Variants in SH2B1 observed in about 807,000 individuals in gnomAD.
The protein encoded by SH2B1 is SH2B adaptor protein 1, also known as SH2B adapter protein 1.
SH2B1 carries 15 observed loss-of-function variants against 62.6 expected under a neutral mutation model. The observed-to-expected ratio is 0.24, with a 90% CI of 0.16 to 0.37. The LOEUF (loss-of-function observed/expected upper bound fraction) is 0.37, where lower values mean the gene tolerates loss of function less well. Ranked by LOEUF, SH2B1 falls within the 10% of genes least tolerant of loss-of-function variation. The pLI is 1.00. For missense variants in SH2B1, 925 were observed against 1,015.6 expected (o/e 0.91, Z 1.21); for synonymous variants, 443 against 438.0 (o/e 1.01, Z -0.14).
intron 1 of SH2B1, 146 bp from the exon 2 acceptor site, chr16:28,867,185 C>A: frequency 8.0e-7 from 1 of 1,247,396 alleles, no homozygotes; most frequent in Non-Finnish European, 1.1e-6. Flanking sequence ...TCTGTGTTAG[C>A]AGCTGCGGGC....
upstream of SH2B1, chr16:28,861,894 C>G (rs557510924): frequency 6.6e-6 from 1 of 152,254 alleles, no homozygotes; most frequent in Admixed American, 6.5e-5. Flanking sequence ...AGGAGAGTTG[C>G]TAAGCTATTA....
chr16:28,867,870 A>C (rs1247492619), intron 2 of SH2B1, among the ~76,000 whole-genome samples: 2 of 152,222 alleles, frequency 1.3e-5, no homozygotes, highest in Non-Finnish European at 2.9e-5. Context: ...GCTCTGCCGC[A>C]CAGGCTGGAG....
At chr16:28,848,839 T>C (rs1455376044) in intron 1 of SH2B1, among the ~76,000 whole-genome samples, 1 of 151,752 alleles carries the variant, frequency 6.6e-6, no homozygotes, top group Non-Finnish European at 1.5e-5. Flanking sequence ...GCCCAGCTAA[T>C]TTTTGTATTT....
In SH2B1 at chr16:28,873,321, G is replaced by T; in HGVS notation, c.1898-126G>T. 6.3e-7 allele frequency: 1 copy of T among 1,588,092 alleles called. No homozygotes were observed. On this transcript the variant is annotated intron_variant, in intron 7 of 7. Transcript: ENST00000684370. This position sits in a 1 kb window ranked among gnomAD's most constrained non-coding sequence, Gnocchi z 4.2. The stretch of plus-strand genomic sequence containing the variant: ...GCCCATGATCCATCTTCCATGGATG[G>T]GGGGTTGCTCAGGAGATGGGATGTG...
In SH2B1 at chr16:28,872,684, C is replaced by T. The variant is rs1963109967; in HGVS notation, c.1876C>T (p.Pro626Ser). The part of the protein sequence containing the change: ...SSDVVLVSYV[P>S]SSQRQQEPTT... Reference sequence around the variant, plus strand: ...TGATGTTGTCCTTGTCAGCTATGTCCCATCCTCCCAGCGACAGCAGGGTGA... The same window carrying T: ...TGATGTTGTCCTTGTCAGCTATGTCTCATCCTCCCAGCGACAGCAGGGTGA... Residue 626 changes from proline (P) to serine (S), a missense_variant, in exon 7 of 8, where the codon CCA (proline) becomes TCA (serine). Pro to Ser is a moderately conservative substitution (Grantham distance 74). Transcript: ENST00000684370. The surrounding 1 kb of genome is among the most constrained non-coding windows in gnomAD (Gnocchi z 5.3). 6.2e-6 allele frequency: 10 copies of T among 1,614,160 alleles called. No homozygotes were observed. Among genetic ancestry groups the T allele is most frequent in the Non-Finnish European group, 8.5e-6 (10 of 1,180,026 alleles).
chr16:28,859,194 T>C (rs1297679474), upstream of SH2B1, among the ~76,000 whole-genome samples: 1 of 152,112 alleles, frequency 6.6e-6, no homozygotes, highest in African/African-American at 2.4e-5. Context: ...TTCGCCTGCC[T>C]CAGCCTCCTA....
chr16:28,870,167 G>A (rs577688074), intron 4 of SH2B1, among the ~76,000 whole-genome samples: 7 of 152,258 alleles, frequency 4.6e-5, no homozygotes, highest in Middle Eastern at 3.2e-3. Flanking sequence ...GTGGCCTGCT[G>A]TTGGACAGAC....
At chr16:28,860,944 G>A (rs1429474739), upstream of SH2B1, among the ~76,000 whole-genome samples, 1 of 151,482 alleles carries the variant, frequency 6.6e-6, no homozygotes, top group African/African-American at 2.4e-5. Flanking sequence ...AGCCTCCCAA[G>A]CAGCTGGGAT....
At chr16:28,857,607 C>G (rs889526299) in intron 1 of SH2B1, among the ~76,000 whole-genome samples, 4 of 152,160 alleles carry the variant, frequency 2.6e-5, no homozygotes, top group African/African-American at 4.8e-5. Flanking sequence ...AATGAAGAGA[C>G]ACACAGGGAG....
upstream of SH2B1, chr16:28,861,860 T>G (rs1962453705): frequency 6.6e-6 from 1 of 152,240 alleles, no homozygotes; most frequent in Non-Finnish European, 1.5e-5. Flanking sequence ...ATTGGGAATC[T>G]CAGAAAAGAG....
Position 28,864,326 on chromosome 16 carries a change from TAGG to T in SH2B1, c.-1766_-1764del. 2 of 993,504 alleles carry T rather than the reference TAGG, an allele frequency of 2.0e-6. No individual in the cohort carries two copies. Among genetic ancestry groups the T allele is most frequent in the Non-Finnish European group, 2.4e-6 (2 of 834,796 alleles). 61.5% of individuals were successfully genotyped at this position (993,504 alleles called of 1,614,324 possible). On this transcript the variant is annotated 5_prime_UTR_variant, in exon 1 of 8. Transcript: ENST00000684370. ...CAGAAGAGAAACTGAGTCACCAGCTTAGGAGTCGCAGGGTCAGCGGGCCTGAAG... is the reference window on the plus strand; with the variant it reads ...CAGAAGAGAAACTGAGTCACCAGCTTAGTCGCAGGGTCAGCGGGCCTGAAG...
chr16:28,868,216 T>G (rs1266211322), intron 2 of SH2B1, among the ~76,000 whole-genome samples: 1 of 152,100 alleles, frequency 6.6e-6, no homozygotes, highest in Non-Finnish European at 1.5e-5. Flanking sequence ...CTCGACTCAC[T>G]GCAAGCTCCA....
chr16:28,860,082 A>T (rs1225639412), upstream of SH2B1, among the ~76,000 whole-genome samples: 1 of 151,762 alleles, frequency 6.6e-6, no homozygotes, highest in Non-Finnish European at 1.5e-5. Context: ...CTCTCTACTG[A>T]TTCCTTTCCC....
rs1272297980 is a variant in SH2B1 at position 28,873,346 on chromosome 16, G to A, written c.1898-101G>A. 1.3e-6 allele frequency: 2 copies of A among 1,587,548 alleles called. No individual in the cohort carries two copies. The highest frequency in any genetic ancestry group is 2.2e-5 in the South Asian group (2 of 89,626). ...GGGGGTTGCTCAGGAGATGGGATGT[G>A]GGGAGACAGCCACGCTCCTGGGGGG... On this transcript the variant is annotated intron_variant, in intron 7 of 7. Coordinates refer to ENST00000684370, the MANE Select transcript of SH2B1 (RefSeq NM_001387430.1). This position sits in a 1 kb window ranked among gnomAD's most constrained non-coding sequence, Gnocchi z 4.2.
intron 1 of SH2B1, among the ~76,000 whole-genome samples, chr16:28,856,582 T>C (rs990378388): frequency 6.6e-6 from 1 of 152,002 alleles, no homozygotes; most frequent in African/African-American, 2.4e-5. Flanking sequence ...TCTGGTGCAA[T>C]GGAAATGAGT....
Position 28,873,367 on chromosome 16 carries a change from G to T in SH2B1, c.1898-80G>T. On this transcript the variant is annotated intron_variant, in intron 7 of 7. Coordinates refer to ENST00000684370, the MANE Select transcript of SH2B1 (RefSeq NM_001387430.1). The surrounding 1 kb of genome is among the most constrained non-coding windows in gnomAD (Gnocchi z 4.2). ...ATGTGGGGAGACAGCCACGCTCCTG[G>T]GGGGCTGAGTGAAGGGGAGGCCACG... 3 of 1,581,964 alleles carry T rather than the reference G, an allele frequency of 1.9e-6. No individual in the cohort carries two copies. The highest frequency in any genetic ancestry group is 2.6e-6 in the Non-Finnish European group (3 of 1,169,836).
At chr16:28,856,738 TC>T (rs1962330589) in intron 1 of SH2B1, among the ~76,000 whole-genome samples, 1 of 152,138 alleles carries the variant, frequency 6.6e-6, no homozygotes, top group African/African-American at 2.4e-5. Context: ...TGGCAGGACC[TC>T]CTGGGAAGTC....
In SH2B1 at chr16:28,873,592, GAA is replaced by G. The variant is rs1412591230; in HGVS notation, c.2045_2046del (p.Lys682SerfsTer15). The G allele has an allele frequency of 6.4e-7, 1 of 1,563,912 alleles. No homozygotes were observed. Among genetic ancestry groups the G allele is most frequent in the East Asian group, 2.4e-5 (1 of 41,652 alleles). On this transcript the variant is annotated frameshift_variant, in exon 8 of 8. Transcript: ENST00000684370. LOFTEE classifies it high-confidence loss of function. The surrounding 1 kb of genome is among the most constrained non-coding windows in gnomAD (Gnocchi z 4.2). ...CAGCCAAAGAGAGGCAAGAGAAAGA[GAA>G]AGCGGGCGGTGGAGGGGTCCCGGAA... ...AAAKERQEKE[K>X]AGGGGVPEEL...
Position 28,873,762 on chromosome 16 carries a change from G to T in SH2B1, c.2213G>T (p.Gly738Val). ...MVQLQQSPLG[G>V]DGEEGGHPRA... ...CAGCTGCAGCAGTCACCACTAGGGGGTGATGGAGAGGAAGGGGGCCACCCC... is the reference window on the plus strand; with the variant it reads ...CAGCTGCAGCAGTCACCACTAGGGGTTGATGGAGAGGAAGGGGGCCACCCC... The change falls in exon 8 of 8, where the codon GGT (glycine) becomes GTT (valine). Residue 738 changes from glycine (G) to valine (V), a missense_variant. Physicochemically the swap from Gly to Val is moderately radical, Grantham distance 109 (BLOSUM62 -3). Coordinates refer to ENST00000684370, the MANE Select transcript of SH2B1 (RefSeq NM_001387430.1). This position sits in a 1 kb window ranked among gnomAD's most constrained non-coding sequence, Gnocchi z 4.2. 3.4e-6 allele frequency: 5 copies of T among 1,474,998 alleles called. No homozygotes were observed. The highest frequency in any genetic ancestry group is 2.7e-5 in the Admixed American group (1 of 37,724). The allele number at this position is 1,474,998 out of a possible 1,614,324, so 91.4% of individuals were successfully genotyped here. A position where few individuals can be genotyped will look rare whatever the true frequency, so the allele number is the denominator to read the frequency against.
Sources: allele counts gnomAD v4.1 joint callset (sites outside exome capture counted in the v4.1 genomes callset), GRCh38; gene constraint gnomAD v4.1.1; non-coding constraint Gnocchi (gnomAD v3.1); transcripts MANE v1.5; gene names NCBI Gene and HGNC (gene_info 2026-07-23, HGNC 2026-07-21).